Variants in ABCB10 observed in about 807,000 individuals in gnomAD.
The protein encoded by ABCB10 is ATP-binding cassette sub-family B member 10, mitochondrial.
In ABCB10, 54 loss-of-function variants were observed where a neutral mutation model predicts 65.4. The observed-to-expected ratio is 0.83, with a 90% CI of 0.66 to 1.04. ABCB10 has a LOEUF of 1.04. ABCB10 is among the 50% of genes least tolerant of loss of function. The probability of loss-of-function intolerance (pLI) is 0.00; values close to 1 mark genes in which losing one functional copy is unlikely to be tolerated. For missense variants in ABCB10, 846 were observed against 976.6 expected (o/e 0.87, Z 1.78); for synonymous variants, 418 against 406.5 (o/e 1.03, Z -0.34).
At chr1:229,532,228 G>A (rs1322020091) in intron 6 of ABCB10, among the ~76,000 whole-genome samples, 2 of 152,108 alleles carry the variant, frequency 1.3e-5, no homozygotes, top group African/African-American at 4.8e-5. Flanking sequence ...TGGGATTATA[G>A]GCATGGGCCA....
At chr1:229,548,962 G>A (rs930904464) in intron 2 of ABCB10, among the ~76,000 whole-genome samples, 12 of 152,062 alleles carry the variant, frequency 7.9e-5, no homozygotes, top group East Asian at 5.8e-4. Flanking sequence ...CACCCAGCCC[G>A]AGGGGCTTAT....
chr1:229,523,764 T>C (rs1490744405), intron 10 of ABCB10, among the ~76,000 whole-genome samples: 1 of 152,156 alleles, frequency 6.6e-6, no homozygotes, highest in Non-Finnish European at 1.5e-5. Context: ...GGGAAGGACA[T>C]GCAGAATCTG....
chr1:229,558,311 C>T lies in ABCB10; in HGVS notation c.342G>A (p.Pro114=). Reference sequence around the variant, plus strand: ...CGGGACCGCCCGGGAACCGGGCGCGCGGGAGCCGAGGAGCGCCTGGCCCGG... The same window carrying T: ...CGGGACCGCCCGGGAACCGGGCGCGTGGGAGCCGAGGAGCGCCTGGCCCGG... ...AFAGPGAPRL[P]RARFPGGPAA... Residue 114 remains proline, a synonymous_variant, in exon 1 of 13, where the codon CCG becomes CCA. Coordinates refer to ENST00000344517, the MANE Select transcript of ABCB10 (RefSeq NM_012089.3). The T allele has an allele frequency of 8.1e-7, 1 of 1,238,278 alleles. No individual in the cohort carries two copies. The highest frequency in any genetic ancestry group is 1.0e-6 in the Non-Finnish European group (1 of 987,738). 76.7% of individuals were successfully genotyped at this position (1,238,278 alleles called of 1,614,324 possible). A position where few individuals can be genotyped will look rare whatever the true frequency, so the allele number is the denominator to read the frequency against.
At chr1:229,557,757 A>G (rs899556747) in intron 1 of ABCB10, among the ~76,000 whole-genome samples, 2 of 152,182 alleles carry the variant, frequency 1.3e-5, no homozygotes, top group African/African-American at 2.4e-5. Flanking sequence ...AACGCCTAAT[A>G]ACAAAATAGG....
At chr1:229,528,385 A>C (rs1288126025) in intron 8 of ABCB10, among the ~76,000 whole-genome samples, 2 of 151,730 alleles carry the variant, frequency 1.3e-5, no homozygotes, top group Non-Finnish European at 2.9e-5. Context: ...AGCAGGTCTC[A>C]AACTCCCGGG....
At position 229,531,680 on chromosome 1, in the gene ABCB10, C is replaced by T. The variant is rs747878521; in HGVS notation, c.1391G>A (p.Arg464His). ...CTCTCTCTCCAGGAGCTCCCAGAGG[C>T]GCCCCCCTGCACCCAGTCCTTTCAT... is the stretch of plus-strand genomic sequence containing the variant. ...ELMKGLGAGG[R>H]LWELLEREPK... is the part of the protein sequence containing the mutation. The change falls in exon 7 of 13, where the codon CGC (arginine) becomes CAC (histidine). Residue 464 changes from arginine to histidine, a missense_variant. By Grantham distance (29) the Arg-to-His change is conservative (BLOSUM62 0). This residue lies in a region of ABCB10 where 632 missense variants were observed against 803.2 expected (regional missense o/e 0.79). Coordinates refer to ENST00000344517, the MANE Select transcript of ABCB10 (RefSeq NM_012089.3). 30 of 1,613,918 alleles carry T rather than the reference C, an allele frequency of 1.9e-5. No homozygotes were observed. Among genetic ancestry groups the T allele is most frequent in the Non-Finnish European group, 2.2e-5 (26 of 1,179,848 alleles).
At chr1:229,524,361 C>T (rs1433893785) in intron 10 of ABCB10, among the ~76,000 whole-genome samples, 1 of 152,066 alleles carries the variant, frequency 6.6e-6, no homozygotes, top group African/African-American at 2.4e-5. Flanking sequence ...GGGGGTCTCA[C>T]CATGTTGCCC....
intron 10 of ABCB10, among the ~76,000 whole-genome samples, chr1:229,521,935 C>T (rs10916506): frequency 0.018 from 2,797 of 152,262 alleles, 80 homozygotes; most frequent in African/African-American, 0.064. Flanking sequence ...GGCATGATCA[C>T]GGCTCATTGC....
chr1:229,536,141 G>A lies in ABCB10; in HGVS notation c.1339+3315C>T, dbSNP rs182960957. 8.5e-5 allele frequency among the ~76,000 whole-genome samples: 13 copies of A among 152,140 alleles called. No individual in the cohort carries two copies. The East Asian group carries it at 1.2e-3, about 14-fold the overall frequency. On this transcript the variant is annotated intron_variant, in intron 6 of 12. Transcript: ENST00000344517. ...ATCTCCACACAATTTTGCTATGAAC[G>A]TAAAACTACTTTGAAAATGGTATTA...
intron 11 of ABCB10, 103 bp from the exon 12 acceptor site, chr1:229,518,978 G>T: frequency 1.1e-6 from 1 of 906,238 alleles, no homozygotes; most frequent in Non-Finnish European, 1.7e-6. Context: ...CTACAATGTG[G>T]ATGAGCCTTG....
At chr1:229,556,506 C>T (rs1455182951) in intron 1 of ABCB10, among the ~76,000 whole-genome samples, 1 of 152,082 alleles carries the variant, frequency 6.6e-6, no homozygotes, top group East Asian at 1.9e-4. Flanking sequence ...AGACCCCTAT[C>T]CCAGAAAAAC....
In ABCB10 at chr1:229,540,587, T is replaced by C. The variant is rs756871470; in HGVS notation, c.1203+19A>G. 6 of 1,598,828 alleles carry C rather than the reference T, an allele frequency of 3.8e-6. No individual in the cohort carries two copies. In the South Asian group the frequency reaches 5.7e-5, roughly 15 times the overall value. On this transcript the variant is annotated intron_variant, in intron 5 of 12. Transcript: ENST00000344517. ...TCTAACATTTGCCAATTTTACTTTTTCCAAAGTGATCTACTTACTGCTCCA... is the reference window on the plus strand; with the variant it reads ...TCTAACATTTGCCAATTTTACTTTTCCCAAAGTGATCTACTTACTGCTCCA...
rs375064095 is a variant in ABCB10, at chr1:229,557,192, G to A, written c.517+944C>T. ...TCCTTTCTAAAGCAATGGATTTGCA[G>A]CAAAGAATGCTTTTCTGGTGTTGCA... is the stretch of plus-strand genomic sequence containing the variant. On this transcript the variant is annotated intron_variant, in intron 1 of 12. Transcript: ENST00000344517. Among the ~76,000 whole-genome samples the A allele has an allele frequency of 7.9e-5, 12 of 151,584 alleles. 1 individual carries two copies. The South Asian group carries it at 2.5e-3, about 31-fold the overall frequency.
intron 8 of ABCB10, among the ~76,000 whole-genome samples, chr1:229,529,295 CAAAAAAAAAAAAAAAAAAAAAAAA>C (rs59264291): frequency 4.3e-5 from 1 of 23,120 alleles, no homozygotes; most frequent in African/African-American, 1.6e-4. Flanking sequence ...GACTCCGTCT[CAAAAAAAAAAAAAAAAAAAAAAAA>C]AAAAAAAAAA....
chr1:229,555,245 A>C (rs1450745331), intron 1 of ABCB10, among the ~76,000 whole-genome samples: 1 of 152,208 alleles, frequency 6.6e-6, no homozygotes, highest in African/African-American at 2.4e-5. Context: ...TCAGAGCCTC[A>C]TCTATCTGCC....
At position 229,558,507 on chromosome 1, in the gene ABCB10, G is replaced by C. The variant is rs1422123462; in HGVS notation, c.146C>G (p.Ala49Gly). ...SLSPFTGLRP[A>G]RLWGAGPALL... Reference sequence around the variant, plus strand: ...CGCGGGCCCCGCGCCCCATAGCCGCGCCGGCCTCAGGCCAGTGAACGGCGA... The same window carrying C: ...CGCGGGCCCCGCGCCCCATAGCCGCCCCGGCCTCAGGCCAGTGAACGGCGA... The change falls in exon 1 of 13, where the codon GCG (alanine) becomes GGG (glycine). Residue 49 changes from alanine to glycine, a missense_variant. Physicochemically the swap from Ala to Gly is moderately conservative, Grantham distance 60 (BLOSUM62 0). Coordinates refer to ENST00000344517, the MANE Select transcript of ABCB10 (RefSeq NM_012089.3). 1 of 1,384,620 alleles carries C rather than the reference G, an allele frequency of 7.2e-7. No homozygotes were observed. The highest frequency in any genetic ancestry group is 2.9e-5 in the Admixed American group (1 of 35,036). The allele number at this position is 1,384,620 out of a possible 1,614,324, so 85.8% of individuals were successfully genotyped here.
intron 8 of ABCB10, among the ~76,000 whole-genome samples, chr1:229,529,349 A>T (rs1662524017): frequency 7.0e-6 from 1 of 142,622 alleles, no homozygotes; most frequent in Non-Finnish European, 1.5e-5. Context: ...TACTAGGTCA[A>T]AATAGTTTCA....
intron 6 of ABCB10, among the ~76,000 whole-genome samples, chr1:229,536,263 G>A (rs547512940): frequency 3.9e-5 from 6 of 152,292 alleles, no homozygotes; most frequent in African/African-American, 1.2e-4. Flanking sequence ...CACTTTGGGA[G>A]GCCGAGGCAG....
Position 229,517,998 on chromosome 1 carries a change from T to G in ABCB10, c.*181A>C, listed in dbSNP as rs1662213845. ...TTTAAAAAGTTACAATTATTAAAAC[T>G]CTGAATAAAAAGATCTTGAGAACAG... On this transcript the variant is annotated 3_prime_UTR_variant, in exon 13 of 13. Coordinates refer to ENST00000344517, the MANE Select transcript of ABCB10 (RefSeq NM_012089.3). 8.5e-6 allele frequency: 5 copies of G among 587,406 alleles called. No homozygotes were observed. The highest frequency in any genetic ancestry group is 9.0e-6 in the Non-Finnish European group (3 of 332,236). The allele number at this position is 587,406 out of a possible 1,614,324, so 36.4% of individuals were successfully genotyped here.
Sources: gnomAD v4.1 joint callset for allele counts (sites outside exome capture counted in the v4.1 genomes callset) on GRCh38, gnomAD v4.1.1 for gene constraint, gnomAD v4.1.1 regional missense constraint, MANE v1.5 for transcripts, NCBI Gene and HGNC (gene_info 2026-07-23, HGNC 2026-07-21) for gene names.